Variants in CCDC150 observed in about 807,000 individuals in gnomAD.
CCDC150 encodes coiled-coil domain containing 150.
A neutral mutation model predicts 156.5 loss-of-function variants in CCDC150; 151 were observed. The observed-to-expected ratio is 0.97, with a 90% CI of 0.85 to 1.10. The LOEUF (loss-of-function observed/expected upper bound fraction) is 1.10, where lower values mean the gene tolerates loss of function less well. Among genes scored for constraint, CCDC150 ranks in the 50% least tolerant of loss-of-function variants. The pLI, the probability that CCDC150 is intolerant of heterozygous loss-of-function variation, is 0.00. For missense variants in CCDC150, 1,312 were observed against 1,268.1 expected (o/e 1.03, Z -0.53); for synonymous variants, 452 against 429.4 (o/e 1.05, Z -0.65).
At chr2:196,673,836 G>A (rs1694346624) in intron 9 of CCDC150, among the ~76,000 whole-genome samples, 1 of 152,158 alleles carries the variant, frequency 6.6e-6, no homozygotes, top group South Asian at 2.1e-4. Context: ...TTGTCAGCTG[G>A]TGGTGAAGGA....
intron 16 of CCDC150, 65 bp from the exon 17 acceptor site, chr2:196,712,612 A>T: frequency 9.4e-7 from 1 of 1,058,782 alleles, no homozygotes; most frequent in Non-Finnish European, 1.4e-6. Flanking sequence ...TGCTTTCATA[A>T]AGGCAGTGCT....
intron 13 of CCDC150, among the ~76,000 whole-genome samples, chr2:196,678,585 C>T (rs1694641252): frequency 6.6e-6 from 1 of 152,138 alleles, no homozygotes; most frequent in South Asian, 2.1e-4. Flanking sequence ...CTATTAAATT[C>T]AGTAATGCTT....
intron 11 of CCDC150, 78 bp from the exon 12 acceptor site, chr2:196,676,476 A>G (rs550110445): frequency 5.7e-5 from 77 of 1,346,786 alleles, no homozygotes; most frequent in Middle Eastern, 4.0e-4. Context: ...AATATGTTCT[A>G]TAAGAACATT....
chr2:196,682,938 G>A (rs1250987913), intron 13 of CCDC150, among the ~76,000 whole-genome samples: 1 of 151,796 alleles, frequency 6.6e-6, no homozygotes, highest in African/African-American at 2.4e-5. Context: ...GAACTCCTGG[G>A]CTCTCTATTT....
rs1460094583 is a variant in CCDC150 at position 196,677,275 on chromosome 2, C to T, written c.1441-18C>T. 1.3e-6 allele frequency: 2 copies of T among 1,542,506 alleles called. No homozygotes were observed. Among genetic ancestry groups the T allele is most frequent in the African/African-American group, 1.4e-5 (1 of 72,966 alleles). ...TAAAATTGACCTATTCCTTTTTTTT[C>T]CCATCCTCCTTGGGCAGGTTAATAA... On this transcript the variant is annotated intron_variant, in intron 12 of 27. Coordinates refer to ENST00000389175, the MANE Select transcript of CCDC150 (RefSeq NM_001080539.2).
intron 9 of CCDC150, among the ~76,000 whole-genome samples, chr2:196,673,310 A>G (rs1022813437): frequency 4.6e-5 from 7 of 152,176 alleles, no homozygotes; most frequent in African/African-American, 1.7e-4. Flanking sequence ...AACATAGATA[A>G]TAGGTGGCAG....
chr2:196,657,579 AGAAT>A (rs2125585557), intron 4 of CCDC150: 1 of 165,640 alleles, frequency 6.0e-6, no homozygotes, highest in South Asian at 1.6e-4. Context: ...TGCTCTATCT[AGAAT>A]AGATTAGGCA....
At position 196,718,596 on chromosome 2, in the gene CCDC150, G is replaced by A; in HGVS notation, c.1960G>A (p.Asp654Asn). The change falls in exon 18 of 28, where the codon GAC (aspartate) becomes AAC (asparagine). Residue 654 changes from aspartate to asparagine, a missense_variant. Physicochemically the swap from Asp to Asn is conservative, Grantham distance 23 (BLOSUM62 1). Transcript: ENST00000389175. ...ALKESQKLKE[D>N]LEAVEDRENK... ...GAAAGAGAGTCAGAAGTTGAAAGAA[G>A]ACCTCGAGGCTGTGGAGGACAGGGA... The A allele has an allele frequency of 6.2e-7, 1 of 1,613,756 alleles. No individual in the cohort carries two copies. The highest frequency in any genetic ancestry group is 8.5e-7 in the Non-Finnish European group (1 of 1,179,748).
In CCDC150 at chr2:196,662,777, AAAAAG is replaced by A. The variant is rs560636892; in HGVS notation, c.646-2785_646-2781del. Among the ~76,000 whole-genome samples, 128 of 152,270 alleles carry A rather than the reference AAAAAG, an allele frequency of 8.4e-4. 1 individual carries two copies. Among genetic ancestry groups the A allele is most frequent in the Admixed American group, 1.8e-3 (28 of 15,300 alleles). On this transcript the variant is annotated intron_variant, in intron 5 of 27. Transcript: ENST00000389175. ...AACCCCATTTCTGGAAAAAAAAAGA[AAAAAG>A]AAAAAAAGCCAGGCACAGTGGTGTA...
chr2:196,721,532 T>A lies in CCDC150; in HGVS notation c.2270T>A (p.Leu757Gln). Residue 757 changes from leucine (L) to glutamine (Q), a missense_variant, in exon 21 of 28, where the codon CTA becomes CAA. Leu to Gln is a moderately radical substitution (Grantham distance 113). Transcript: ENST00000389175. ...EDQHNSEIES[L>Q]QKALGVARED... ...GCTTCTCTCTTTCAGATTGAATCTC[T>A]ACAAAAAGCTCTAGGTGTAGCTAGA... 6.2e-7 allele frequency: 1 copy of A among 1,600,168 alleles called. No homozygotes were observed. The highest frequency in any genetic ancestry group is 8.5e-7 in the Non-Finnish European group (1 of 1,174,638).
Position 196,730,850 on chromosome 2 carries a change from C to G in CCDC150, c.2983-9C>G. 1 of 1,578,672 alleles carries G rather than the reference C, an allele frequency of 6.3e-7. No individual in the cohort carries two copies. Among genetic ancestry groups the G allele is most frequent in the Non-Finnish European group, 8.6e-7 (1 of 1,160,734 alleles). ...GAAGTTTATAAAAATCTTTGTATCA[C>G]ATTTTCAGGAATTGGAAGAAACTGT... On this transcript the variant is annotated splice_polypyrimidine_tract_variant and intron_variant, in intron 25 of 27. Coordinates refer to ENST00000389175, the MANE Select transcript of CCDC150 (RefSeq NM_001080539.2).
At chr2:196,710,119 T>G (rs1181302571) in intron 15 of CCDC150, among the ~76,000 whole-genome samples, 1 of 152,178 alleles carries the variant, frequency 6.6e-6, no homozygotes, top group Non-Finnish European at 1.5e-5. Context: ...CCCCCAGAGG[T>G]GGAGTCTACA....
chr2:196,702,386 TCTCA>T (rs2125668943), intron 15 of CCDC150, among the ~76,000 whole-genome samples: 1 of 124,968 alleles, frequency 8.0e-6, no homozygotes, highest in East Asian at 2.9e-4. Context: ...TGAGATGAGG[TCTCA>T]CTCTCTCATC....
intron 14 of CCDC150, among the ~76,000 whole-genome samples, chr2:196,696,786 T>C (rs1559251851): frequency 6.6e-6 from 1 of 152,272 alleles, no homozygotes; most frequent in Non-Finnish European, 1.5e-5. Context: ...GCTGGCAGTG[T>C]ATTTTTGTTC....
rs777093466 is a variant in CCDC150 at position 196,714,624 on chromosome 2, A to C, written c.1866+1885A>C. On this transcript the variant is annotated intron_variant, in intron 17 of 27. Transcript: ENST00000389175. The stretch of plus-strand genomic sequence containing the variant: ...TTGATCCAGCTTTGGGAAGTCAGCA[A>C]AAATTGGCCTCACTTTTCCTGTCCC... Among the ~76,000 whole-genome samples the C allele has an allele frequency of 6.6e-5, 10 of 152,140 alleles. No homozygotes were observed. In the South Asian group the frequency reaches 1.0e-3, roughly 16 times the overall value.
At position 196,712,262 on chromosome 2, in the gene CCDC150, A is replaced by C; in HGVS notation, c.1803+10A>C. ...GACTAAATATGCTCAGGTGTGATTA[A>C]TATCTACAAAAGCGGATTGCTGCTA... On this transcript the variant is annotated intron_variant, in intron 16 of 27. Transcript: ENST00000389175. The C allele has an allele frequency of 2.2e-6, 3 of 1,395,232 alleles. No homozygotes were observed. The highest frequency in any genetic ancestry group is 2.9e-6 in the Non-Finnish European group (3 of 1,022,646). 86.4% of individuals were successfully genotyped at this position (1,395,232 alleles called of 1,614,324 possible).
rs1308075705 is a variant in CCDC150 at position 196,713,226 on chromosome 2, A to C, written c.1866+487A>C. 4 of 1,269,876 alleles carry C rather than the reference A, an allele frequency of 3.1e-6. No individual in the cohort carries two copies. In the African/African-American group the frequency reaches 4.5e-5, roughly 14 times the overall value. The allele number at this position is 1,269,876 out of a possible 1,614,324, so 78.7% of individuals were successfully genotyped here. A position where few individuals can be genotyped will look rare whatever the true frequency, so the allele number is the denominator to read the frequency against. On this transcript the variant is annotated intron_variant, in intron 17 of 27. Coordinates refer to ENST00000389175, the MANE Select transcript of CCDC150 (RefSeq NM_001080539.2). ...GATCTCTTCACTCTGAAAGCAGAGA[A>C]ACACATTTTCAATATATTTTCCATT...
chr2:196,720,588 C>G lies in CCDC150; in HGVS notation c.2179C>G (p.Gln727Glu), dbSNP rs1559275243. The G allele has an allele frequency of 1.2e-6, 2 of 1,613,636 alleles. No homozygotes were observed. The highest frequency in any genetic ancestry group is 1.1e-5 in the South Asian group (1 of 91,032). Reference sequence around the variant, plus strand: ...TTTTATTTTTAGGGATCTCAATCAACAGAGGGTGCAGAAGCTGGAAGCTGA... The same window carrying G: ...TTTTATTTTTAGGGATCTCAATCAAGAGAGGGTGCAGAAGCTGGAAGCTGA... ...GLKKERDLNQ[Q>E]RVQKLEAEVD... is the part of the protein sequence containing the mutation. Residue 727 changes from glutamine (Q) to glutamate (E), a missense_variant, in exon 20 of 28, where the codon CAG becomes GAG. Gln to Glu is a conservative substitution (Grantham distance 29, BLOSUM62 2). Coordinates refer to ENST00000389175, the MANE Select transcript of CCDC150 (RefSeq NM_001080539.2).
In CCDC150 at chr2:196,732,292, ATTTCT is replaced by A. The variant is rs1057267709; in HGVS notation, c.3189+144_3190-146del. 2.4e-5 allele frequency: 29 copies of A among 1,189,628 alleles called. No homozygotes were observed. The African/African-American group carries it at 4.3e-4, about 18-fold the overall frequency. 73.7% of individuals were successfully genotyped at this position (1,189,628 alleles called of 1,614,324 possible). A position where few individuals can be genotyped will look rare whatever the true frequency, so the allele number is the denominator to read the frequency against. On this transcript the variant is annotated intron_variant, in intron 27 of 27. Transcript: ENST00000389175. ...TAGACTAATGCTAGGAAACCAATTA[ATTTCT>A]TTTTTTTACAAAGTTCCACCTGTCA...
Sources: gnomAD v4.1 joint callset for allele counts (sites outside exome capture counted in the v4.1 genomes callset) on GRCh38, gnomAD v4.1.1 for gene constraint, MANE v1.5 for transcripts, NCBI Gene and HGNC (gene_info 2026-07-23, HGNC 2026-07-21) for gene names.